Variants in IL1RAPL1 observed in about 807,000 individuals in gnomAD.
The protein encoded by IL1RAPL1 is interleukin-1 receptor accessory protein-like 1.
IL1RAPL1 carries 3 observed loss-of-function variants against 48.4 expected under a neutral mutation model. That is an observed-to-expected ratio of 0.06 (90% CI 0.03 to 0.16). IL1RAPL1 has a LOEUF of 0.16. Among genes scored for constraint, IL1RAPL1 ranks in the 10% least tolerant of loss-of-function variants. IL1RAPL1 has a pLI of 1.00. For synonymous variants in IL1RAPL1, 185 were observed against 187.7 expected (o/e 0.99, Z 0.12); for missense variants, 349 against 530.6 (o/e 0.66, Z 3.36).
chrX:29,851,089 A>G (rs766546040), intron 6 of IL1RAPL1, among the ~76,000 whole-genome samples: 28 of 111,836 alleles, frequency 2.5e-4, no homozygotes, highest in African/African-American at 7.5e-4. Flanking sequence ...ATTCGTTTCT[A>G]ATGGAAAAGG....
At chrX:28,675,050 T>C (rs6628373) in intron 1 of IL1RAPL1, among the ~76,000 whole-genome samples, 6,891 of 111,604 alleles carry the variant, frequency 0.062, 431 homozygotes, top group East Asian at 0.33. Context: ...AATCCATAAG[T>C]AATGATTCAA....
intron 5 of IL1RAPL1, among the ~76,000 whole-genome samples, chrX:29,620,802 T>C (rs1924436563): frequency 1.8e-5 from 2 of 112,045 alleles, no homozygotes; most frequent in Admixed American, 9.5e-5. Context: ...GAGTAGAAAA[T>C]ATCCTTTGAA....
At chrX:28,816,022 C>T (rs1295273407) in intron 2 of IL1RAPL1, among the ~76,000 whole-genome samples, 4 of 103,886 alleles carry the variant, frequency 3.9e-5, no homozygotes, top group African/African-American at 1.4e-4. Flanking sequence ...GGGGTGTATG[C>T]CCAGTAGTGG....
chrX:29,484,492 A>G (rs1374720406), intron 5 of IL1RAPL1, among the ~76,000 whole-genome samples: 1 of 112,219 alleles, frequency 8.9e-6, no homozygotes, highest in Non-Finnish European at 1.9e-5. Flanking sequence ...ATAGCACACA[A>G]TAAACGAGCA....
chrX:29,678,511 C>T (rs369594527), intron 6 of IL1RAPL1, among the ~76,000 whole-genome samples: 3 of 99,230 alleles, frequency 3.0e-5, no homozygotes, highest in East Asian at 3.2e-4. Flanking sequence ...CCCGCCACCA[C>T]GCCTGGCTAA....
At chrX:29,078,333 A>G (rs1044260447) in intron 2 of IL1RAPL1, among the ~76,000 whole-genome samples, 1 of 112,470 alleles carries the variant, frequency 8.9e-6, no homozygotes, top group Non-Finnish European at 1.9e-5. Flanking sequence ...ACAAAAAGCA[A>G]AGAGAGAGGT....
At chrX:29,867,889 C>G (rs188716232) in intron 6 of IL1RAPL1, among the ~76,000 whole-genome samples, 36 of 111,973 alleles carry the variant, frequency 3.2e-4, no homozygotes, top group Non-Finnish European at 5.6e-4. Context: ...CAATTCAGAA[C>G]GTGGAGATTT....
intron 6 of IL1RAPL1, among the ~76,000 whole-genome samples, chrX:29,909,548 A>T: frequency 8.9e-6 from 1 of 112,031 alleles, no homozygotes; most frequent in Non-Finnish European, 1.9e-5. Context: ...ATAGCCACAA[A>T]AAATAAAATA....
chrX:28,753,966 A>C (rs1936076626), intron 1 of IL1RAPL1, among the ~76,000 whole-genome samples: 1 of 110,432 alleles, frequency 9.1e-6, no homozygotes, highest in Non-Finnish European at 1.9e-5. Context: ...ACGAGAACAC[A>C]CCCTAAAAGG....
At chrX:29,000,899 A>T (rs1159261742) in intron 2 of IL1RAPL1, among the ~76,000 whole-genome samples, 2 of 108,993 alleles carry the variant, frequency 1.8e-5, no homozygotes, top group Non-Finnish European at 3.8e-5. Context: ...ATGTGTGATA[A>T]ATAGTTATTG....
intron 2 of IL1RAPL1, among the ~76,000 whole-genome samples, chrX:28,855,924 C>T (rs778688222): frequency 1.8e-5 from 2 of 111,471 alleles, no homozygotes; most frequent in Admixed American, 1.9e-4. Flanking sequence ...GCAATATAGT[C>T]CATATCTTTG....
intron 5 of IL1RAPL1, among the ~76,000 whole-genome samples, chrX:29,635,002 A>G (rs1246158359): frequency 1.8e-5 from 2 of 111,841 alleles, no homozygotes; most frequent in Admixed American, 9.5e-5. Flanking sequence ...AGAACTCTTG[A>G]GAGAATAAAA....
chrX:29,929,929 T>C (rs994560590), intron 8 of IL1RAPL1, among the ~76,000 whole-genome samples: 1 of 111,828 alleles, frequency 8.9e-6, no homozygotes, highest in Non-Finnish European at 1.9e-5. Flanking sequence ...TGAAAGCAAC[T>C]TAAAGAAATA....
intron 2 of IL1RAPL1, among the ~76,000 whole-genome samples, chrX:29,137,428 C>T (rs954358865): frequency 8.9e-5 from 10 of 111,798 alleles, no homozygotes; most frequent in South Asian, 3.7e-4. Flanking sequence ...ATTTAAGTAA[C>T]GGAAATAACA....
chrX:29,254,122 G>A (rs1931714005), intron 2 of IL1RAPL1, among the ~76,000 whole-genome samples: 1 of 110,977 alleles, frequency 9.0e-6, no homozygotes, highest in Non-Finnish European at 1.9e-5. Context: ...TCCAGGGTTT[G>A]TTATGAGCCC....
chrX:29,728,354 C>T (rs1457737849), intron 6 of IL1RAPL1, among the ~76,000 whole-genome samples: 1 of 112,057 alleles, frequency 8.9e-6, no homozygotes, highest in East Asian at 2.8e-4. Flanking sequence ...GTGCCTGAAA[C>T]TTATCTAACC....
chrX:28,672,152 A>G (rs900409419), intron 1 of IL1RAPL1, among the ~76,000 whole-genome samples: 1 of 111,934 alleles, frequency 8.9e-6, no homozygotes, highest in African/African-American at 3.3e-5. Context: ...TTTATCCCTC[A>G]GACCTTATAA....
intron 5 of IL1RAPL1, among the ~76,000 whole-genome samples, chrX:29,629,792 A>G (rs1924715993): frequency 8.9e-6 from 1 of 111,951 alleles, no homozygotes; most frequent in Admixed American, 9.5e-5. Flanking sequence ...GAACGAAAAG[A>G]TCAAATCTCT....
At chrX:29,674,288 T>G (rs1461934227) in intron 6 of IL1RAPL1, among the ~76,000 whole-genome samples, 2 of 111,193 alleles carry the variant, frequency 1.8e-5, no homozygotes, top group Non-Finnish European at 3.8e-5. Flanking sequence ...TAGCTTGGTG[T>G]GTTGGCATGC....
Sources: allele counts gnomAD v4.1 joint callset (sites outside exome capture counted in the v4.1 genomes callset), GRCh38; gene constraint gnomAD v4.1.1; transcripts MANE v1.5; gene names NCBI Gene and HGNC (gene_info 2026-07-23, HGNC 2026-07-21).